The following TDRD15 variants were observed in gnomAD, a reference collection of about 807,000 sequenced individuals.
TDRD15 encodes the protein tudor domain containing 15, also known as tudor domain-containing protein 15.
For synonymous variants in TDRD15, 503 were observed against 314.5 expected, an observed-to-expected ratio of 1.60 and a Z score of -6.34; for missense variants, 1,416 against 904.7, an observed-to-expected ratio of 1.57 and a Z score of -7.25.
chr2:21,129,629 T>C (rs369163492), intron 2 of TDRD15, among the ~76,000 whole-genome samples: 21 of 152,336 alleles, frequency 1.4e-4, no homozygotes, highest in East Asian at 5.8e-4. Context: ...TTTGCAGATA[T>C]TTTCTGCCAT....
At chr2:21,131,326 A>G (rs1665713841) in intron 2 of TDRD15, among the ~76,000 whole-genome samples, 1 of 152,176 alleles carries the variant, frequency 6.6e-6, no homozygotes, top group African/African-American at 2.4e-5. Flanking sequence ...AATCCATGTG[A>G]TATCTTATAA....
chr2:21,142,006 A>T lies in TDRD15; in HGVS notation c.4539A>T (p.Gln1513His). ...CTGAAGGTTCTATGAATTCAAACCA[A>T]CAGCTGTTTAAAATTCCTTTGGAAG... ...NESEGSMNSN[Q>H]QLFKIPLEEF... Residue 1513 changes from glutamine to histidine, a missense_variant, in exon 4 of 4, where the codon CAA becomes CAT. By Grantham distance (24) the Gln-to-His change is conservative. Transcript: ENST00000405799. The T allele has an allele frequency of 1.4e-6, 1 of 698,786 alleles. No individual in the cohort carries two copies. Among genetic ancestry groups the T allele is most frequent in the South Asian group, 1.6e-5 (1 of 63,044 alleles). 43.3% of individuals were successfully genotyped at this position (698,786 alleles called of 1,614,324 possible).
rs1464863020 is a variant in TDRD15, at chr2:21,141,587, G to A, written c.4120G>A (p.Glu1374Lys). 7.0e-6 allele frequency: 5 copies of A among 713,790 alleles called. No homozygotes were observed. Among genetic ancestry groups the A allele is most frequent in the South Asian group, 6.0e-5 (4 of 67,076 alleles). The allele number at this position is 713,790 out of a possible 1,614,324, so 44.2% of individuals were successfully genotyped here. A position where few individuals can be genotyped will look rare whatever the true frequency, so the allele number is the denominator to read the frequency against. ...GAAAATTTTGCCAGGAAATTCTTTT[G>A]AAGTAGAATTTATTGACTATGGTAA... Reference protein sequence around the residue: ...IKKILPGNSFEVEFIDYGNSA... With the variant: ...IKKILPGNSFKVEFIDYGNSA... The change falls in exon 4 of 4, where the codon GAA becomes AAA. Residue 1374 changes from glutamate to lysine, a missense_variant. Physicochemically the swap from Glu to Lys is moderately conservative, Grantham distance 56. Transcript: ENST00000405799.
At chr2:21,128,788 ATT>A (rs1665650643) in intron 2 of TDRD15, among the ~76,000 whole-genome samples, 1 of 150,052 alleles carries the variant, frequency 6.7e-6, no homozygotes, top group Non-Finnish European at 1.5e-5. Flanking sequence ...TTTGAAAAGA[ATT>A]TTGTTTCTTT....
chr2:21,144,565 A>G (rs901493471), downstream of TDRD15, among the ~76,000 whole-genome samples: 1 of 151,866 alleles, frequency 6.6e-6, no homozygotes, highest in Non-Finnish European at 1.5e-5. Flanking sequence ...AGTAGTGGTT[A>G]TGGTAGCGAT....
In TDRD15 at chr2:21,127,717, C is replaced by T. The variant is rs950248605; in HGVS notation, c.-90+6C>T. ...ATAATTAGTCTTAAACTCAGGTAAGCATAAGTTCTCAAATTTTAATCTTTT... is the reference window on the plus strand; with the variant it reads ...ATAATTAGTCTTAAACTCAGGTAAGTATAAGTTCTCAAATTTTAATCTTTT... On this transcript the variant is annotated splice_donor_region_variant and intron_variant, in intron 2 of 3. Coordinates refer to ENST00000405799, the MANE Select transcript of TDRD15 (RefSeq NM_001306137.2). 3 of 152,190 alleles carry T rather than the reference C, an allele frequency of 2.0e-5. No homozygotes were observed. Among genetic ancestry groups the T allele is most frequent in the Non-Finnish European group, 2.9e-5 (2 of 68,034 alleles). 9.4% of individuals were successfully genotyped at this position (152,190 alleles called of 1,614,324 possible). A position where few individuals can be genotyped will look rare whatever the true frequency, so the allele number is the denominator to read the frequency against.
intron 2 of TDRD15, among the ~76,000 whole-genome samples, chr2:21,133,591 C>T (rs752770484): frequency 9.9e-5 from 15 of 151,590 alleles, no homozygotes; most frequent in African/African-American, 2.2e-4. Flanking sequence ...TTCTGTGGTC[C>T]GAAAAATGAA....
chr2:21,126,277 G>A (rs1012680256), intron 1 of TDRD15, among the ~76,000 whole-genome samples: 5 of 151,948 alleles, frequency 3.3e-5, no homozygotes, highest in African/African-American at 1.2e-4. Context: ...TTATACAAAT[G>A]GACTCATAAA....
Position 21,138,297 on chromosome 2 carries a change from A to C in TDRD15, c.830A>C (p.His277Pro). ...LENLTAHMTL[H>P]YDTVCQETSP... The stretch of plus-strand genomic sequence containing the variant: ...AACTTGACAGCACATATGACTTTGC[A>C]TTATGATACCGTCTGTCAAGAAACT... Residue 277 changes from histidine to proline, a missense_variant, in exon 4 of 4, where the codon CAT (histidine) becomes CCT (proline). Transcript: ENST00000405799. 1.4e-6 allele frequency: 1 copy of C among 716,510 alleles called. No individual in the cohort carries two copies. The highest frequency in any genetic ancestry group is 1.5e-5 in the South Asian group (1 of 67,544). The allele number at this position is 716,510 out of a possible 1,614,324, so 44.4% of individuals were successfully genotyped here. A position where few individuals can be genotyped will look rare whatever the true frequency, so the allele number is the denominator to read the frequency against.
chr2:21,145,773 C>T (rs565245688), downstream of TDRD15, among the ~76,000 whole-genome samples: 1 of 151,940 alleles, frequency 6.6e-6, no homozygotes, highest in African/African-American at 2.4e-5. Context: ...CTCTATTACT[C>T]TTCCACTATT....
In TDRD15 at chr2:21,142,376, G is replaced by C. The variant is rs745389002; in HGVS notation, c.4909G>C (p.Ala1637Pro). The C allele has an allele frequency of 5.0e-5, 35 of 702,606 alleles. No individual in the cohort carries two copies. Among genetic ancestry groups the C allele is most frequent in the Non-Finnish European group, 7.1e-5 (27 of 379,610 alleles). 43.5% of individuals were successfully genotyped at this position (702,606 alleles called of 1,614,324 possible). Residue 1637 changes from alanine (A) to proline (P), a missense_variant, in exon 4 of 4, where the codon GCT becomes CCT. Transcript: ENST00000405799. ...SNEIRNIPRQ[A>P]VPCKWIWFEN... ...TGAAATAAGAAACATTCCTAGACAA[G>C]CTGTACCTTGTAAATGGATTTGGTT...
Position 21,138,966 on chromosome 2 carries a change from G to A in TDRD15, c.1499G>A (p.Arg500His), listed in dbSNP as rs960663646. The stretch of plus-strand genomic sequence containing the variant: ...TTAAACCCATCAAATTTCTGGGTAC[G>A]CACTAATGACCATCGGAATGAATTT... Reference protein sequence around the residue: ...YVLNPSNFWVRTNDHRNEFQE... With the variant: ...YVLNPSNFWVHTNDHRNEFQE... The change falls in exon 4 of 4, where the codon CGC becomes CAC. Residue 500 changes from arginine (R) to histidine (H), a missense_variant. Transcript: ENST00000405799. 4 of 713,172 alleles carry A rather than the reference G, an allele frequency of 5.6e-6. No individual in the cohort carries two copies. In the Admixed American group the frequency reaches 6.1e-5, roughly 11 times the overall value. The allele number at this position is 713,172 out of a possible 1,614,324, so 44.2% of individuals were successfully genotyped here. A position where few individuals can be genotyped will look rare whatever the true frequency, so the allele number is the denominator to read the frequency against.
rs549453294 is a variant in TDRD15 at position 21,131,235 on chromosome 2, A to G, written c.-90+3524A>G. Among the ~76,000 whole-genome samples, 43 of 152,336 alleles carry G rather than the reference A, an allele frequency of 2.8e-4. 1 individual carries two copies. In the South Asian group the frequency reaches 8.5e-3, roughly 30 times the overall value. On this transcript the variant is annotated intron_variant, in intron 2 of 3. Coordinates refer to ENST00000405799, the MANE Select transcript of TDRD15 (RefSeq NM_001306137.2). ...TCTGATGAGATTGCTGGTGATACCA[A>G]TCAGTTTTGTTTGGGGATGTTAGGT...
At chr2:21,135,988 A>C (rs1241985520) in intron 3 of TDRD15, among the ~76,000 whole-genome samples, 2 of 151,984 alleles carry the variant, frequency 1.3e-5, no homozygotes, top group African/African-American at 2.4e-5. Flanking sequence ...TCTTCTGGGT[A>C]CCTCTACTTT....
At chr2:21,133,898 A>T (rs1665763012) in intron 2 of TDRD15, among the ~76,000 whole-genome samples, 1 of 151,992 alleles carries the variant, frequency 6.6e-6, no homozygotes. Flanking sequence ...AAGAAATCAA[A>T]TATCATAATA....
Position 21,143,586 on chromosome 2 carries a change from A to G in TDRD15, c.*314A>G, listed in dbSNP as rs952116927. 1.3e-5 allele frequency among the ~76,000 whole-genome samples: 2 copies of G among 151,672 alleles called. No individual in the cohort carries two copies. Among genetic ancestry groups the G allele is most frequent in the African/African-American group, 2.4e-5 (1 of 41,402 alleles). ...ACGTTGAAGACATTTTTGAAAAACT[A>G]CCAACTGAAGGAATACAGGAAAATA... On this transcript the variant is annotated 3_prime_UTR_variant, in exon 4 of 4. Coordinates refer to ENST00000405799, the MANE Select transcript of TDRD15 (RefSeq NM_001306137.2).
intron 2 of TDRD15, among the ~76,000 whole-genome samples, chr2:21,133,077 A>C (rs1665750356): frequency 6.6e-6 from 1 of 152,164 alleles, no homozygotes; most frequent in Non-Finnish European, 1.5e-5. Flanking sequence ...TCAGTAAAGA[A>C]TGTTAAAAAA....
rs1290580488 is a variant in TDRD15 at position 21,127,681 on chromosome 2, G to A, written c.-120G>A. On this transcript the variant is annotated 5_prime_UTR_variant, in exon 2 of 4. Transcript: ENST00000405799. The stretch of plus-strand genomic sequence containing the variant: ...ACACCAGTACCACAGTGTCTTGAGT[G>A]CTGTAACTTTATAATTAGTCTTAAA... The A allele has an allele frequency of 6.6e-6, 1 of 152,186 alleles. No individual in the cohort carries two copies. Among genetic ancestry groups the A allele is most frequent in the African/African-American group, 2.4e-5 (1 of 41,442 alleles). The allele number at this position is 152,186 out of a possible 1,614,324, so 9.4% of individuals were successfully genotyped here.
Position 21,140,153 on chromosome 2 carries a change from G to A in TDRD15, c.2686G>A (p.Gly896Arg). Residue 896 changes from glycine (G) to arginine (R), a missense_variant, in exon 4 of 4, where the codon GGG becomes AGG. Gly to Arg is a moderately radical substitution (Grantham distance 125). Transcript: ENST00000405799. ...GTGGAATTTTATCTCTTCATCTAGA[G>A]GGTTATTGACTTGTATCATCTATGC... The part of the protein sequence containing the change: ...DLWNFISSSR[G>R]LLTCIIYALV... 1 of 715,744 alleles carries A rather than the reference G, an allele frequency of 1.4e-6. No individual in the cohort carries two copies. Among genetic ancestry groups the A allele is most frequent in the South Asian group, 1.5e-5 (1 of 67,550 alleles). 44.3% of individuals were successfully genotyped at this position (715,744 alleles called of 1,614,324 possible).
Sources: allele counts gnomAD v4.1 joint callset (sites outside exome capture counted in the v4.1 genomes callset), GRCh38; gene constraint gnomAD v4.1.1; transcripts MANE v1.5; gene names NCBI Gene and HGNC (gene_info 2026-07-23, HGNC 2026-07-21).